Variants in ZNF385D observed in about 807,000 individuals in gnomAD.
ZNF385D encodes zinc finger protein 659.
Under a neutral mutation model 35.8 loss-of-function variants are expected in ZNF385D, and 15 were observed. The ratio of observed to expected loss-of-function variants is 0.42; its 90% confidence interval spans 0.28 to 0.64. The LOEUF is 0.64. Among genes scored for constraint, ZNF385D ranks in the 30% least tolerant of loss-of-function variants. The pLI, the probability that ZNF385D is intolerant of heterozygous loss-of-function variation, is 0.23. For synonymous variants in ZNF385D, 212 were observed against 186.8 expected (o/e 1.13, Z -1.10); for missense variants, 474 against 494.6 (o/e 0.96, Z 0.39).
chr3:22,184,440 C>A (rs182825722), intron 2 of ZNF385D, among the ~76,000 whole-genome samples: 3 of 152,106 alleles, frequency 2.0e-5, no homozygotes, highest in South Asian at 4.1e-4. Flanking sequence ...ATCTTCAATA[C>A]TGTGTGTGCT....
intron 3 of ZNF385D, among the ~76,000 whole-genome samples, chr3:21,822,123 G>A (rs1172550624): frequency 6.6e-6 from 1 of 152,056 alleles, no homozygotes; most frequent in Non-Finnish European, 1.5e-5. Context: ...CCAGGTTGGA[G>A]TGCAGTCGTG....
At chr3:21,859,883 C>G (rs759265452) in intron 3 of ZNF385D, among the ~76,000 whole-genome samples, 2 of 151,992 alleles carry the variant, frequency 1.3e-5, no homozygotes, top group African/African-American at 2.4e-5. Context: ...CCCGAAGATT[C>G]ATGCATTATG....
chr3:22,044,220 G>T (rs1459307880), intron 3 of ZNF385D, among the ~76,000 whole-genome samples: 1 of 152,124 alleles, frequency 6.6e-6, no homozygotes, highest in East Asian at 1.9e-4. Flanking sequence ...AGGGGTGATG[G>T]TTCACTTATT....
chr3:21,998,324 T>A (rs1695613605), intron 3 of ZNF385D, among the ~76,000 whole-genome samples: 1 of 152,178 alleles, frequency 6.6e-6, no homozygotes, highest in African/African-American at 2.4e-5. Context: ...ATACATTTGG[T>A]TTCTTTTACT....
At chr3:22,326,783 C>T (rs1694699148) in intron 2 of ZNF385D, among the ~76,000 whole-genome samples, 2 of 152,184 alleles carry the variant, frequency 1.3e-5, no homozygotes, top group African/African-American at 4.8e-5. Context: ...AGACTAAATA[C>T]ATCTGTGTAA....
intron 3 of ZNF385D, among the ~76,000 whole-genome samples, chr3:21,796,893 C>T (rs1188941027): frequency 6.6e-6 from 1 of 152,148 alleles, no homozygotes; most frequent in African/African-American, 2.4e-5. Context: ...GTGGGTGATA[C>T]AGGACTCTGA....
chr3:21,682,446 G>A (rs2066947150), intron 1 of ZNF385D, among the ~76,000 whole-genome samples: 1 of 150,172 alleles, frequency 6.7e-6, no homozygotes, highest in Admixed American at 6.6e-5. Flanking sequence ...AACTAACATA[G>A]AAAGAATGGT....
At chr3:21,788,307 C>T (rs897997638) in intron 3 of ZNF385D, among the ~76,000 whole-genome samples, 6 of 152,104 alleles carry the variant, frequency 3.9e-5, no homozygotes, top group Non-Finnish European at 5.9e-5. Context: ...GGGGAAACCC[C>T]GTTTCTACTA....
chr3:21,513,506 A>G (rs1707362305), intron 3 of ZNF385D, among the ~76,000 whole-genome samples: 3 of 152,202 alleles, frequency 2.0e-5, no homozygotes, highest in African/African-American at 7.2e-5. Flanking sequence ...TCTGATTTAA[A>G]GGCAAATAAG....
chr3:21,882,717 G>A (rs907399534), intron 3 of ZNF385D, among the ~76,000 whole-genome samples: 1 of 151,984 alleles, frequency 6.6e-6, no homozygotes, highest in African/African-American at 2.4e-5. Context: ...AAACATGATA[G>A]TCTGAGAAAC....
At chr3:21,912,048 C>T (rs1699987878) in intron 3 of ZNF385D, among the ~76,000 whole-genome samples, 1 of 151,872 alleles carries the variant, frequency 6.6e-6, no homozygotes, top group African/African-American at 2.4e-5. Flanking sequence ...AACCTAATTT[C>T]TTGTTCCAGG....
At chr3:21,870,939 C>A (rs1390687995) in intron 3 of ZNF385D, among the ~76,000 whole-genome samples, 1 of 152,046 alleles carries the variant, frequency 6.6e-6, no homozygotes, top group East Asian at 1.9e-4. Context: ...CTCTTGCTCT[C>A]CTTATTTGAA....
intron 1 of ZNF385D, among the ~76,000 whole-genome samples, chr3:21,697,604 A>G (rs1411801538): frequency 6.6e-6 from 1 of 152,176 alleles, no homozygotes; most frequent in African/African-American, 2.4e-5. Context: ...AAATGGACAA[A>G]TGGGACTTAA....
chr3:22,140,392 G>A (rs998607026), intron 3 of ZNF385D, among the ~76,000 whole-genome samples: 1 of 152,150 alleles, frequency 6.6e-6, no homozygotes, highest in African/African-American at 2.4e-5. Flanking sequence ...TAGCAATGGG[G>A]AACAGGCCGA....
intron 2 of ZNF385D, among the ~76,000 whole-genome samples, chr3:22,252,020 G>T (rs1311056110): frequency 1.3e-5 from 2 of 152,066 alleles, no homozygotes; most frequent in Non-Finnish European, 2.9e-5. Flanking sequence ...TTTAAAAGCC[G>T]AAATTGAAAT....
At chr3:21,909,994 A>C (rs1246995497) in intron 3 of ZNF385D, among the ~76,000 whole-genome samples, 2 of 151,940 alleles carry the variant, frequency 1.3e-5, no homozygotes, top group African/African-American at 4.8e-5. Context: ...AAACAGTATA[A>C]ACTGCTTCTC....
chr3:21,804,235 T>A (rs561649417), intron 3 of ZNF385D, among the ~76,000 whole-genome samples: 4 of 152,342 alleles, frequency 2.6e-5, no homozygotes, highest in Non-Finnish European at 5.9e-5. Context: ...TATTTTTATA[T>A]CACATTCTTT....
intron 1 of ZNF385D, among the ~76,000 whole-genome samples, chr3:21,735,185 A>G (rs894726406): frequency 2.0e-5 from 3 of 152,202 alleles, no homozygotes; most frequent in Non-Finnish European, 2.9e-5. Flanking sequence ...TCCACACTCT[A>G]TATGACATTG....
At chr3:21,640,138 T>C (rs2065560463) in intron 2 of ZNF385D, among the ~76,000 whole-genome samples, 1 of 152,106 alleles carries the variant, frequency 6.6e-6, no homozygotes, top group Non-Finnish European at 1.5e-5. Flanking sequence ...TAAAGAAGCC[T>C]GGACTCCACT....
Sources: allele counts gnomAD v4.1 joint callset (sites outside exome capture counted in the v4.1 genomes callset), GRCh38; gene constraint gnomAD v4.1.1; transcripts MANE v1.5; gene names NCBI Gene and HGNC (gene_info 2026-07-23, HGNC 2026-07-21).